Variants in ETV1 observed in about 807,000 individuals in gnomAD.
ETV1 encodes the protein ETS translocation variant 1.
In ETV1, 27 loss-of-function variants were observed where a neutral mutation model predicts 62.3. That is an observed-to-expected ratio of 0.43 (90% CI 0.32 to 0.60). The LOEUF (loss-of-function observed/expected upper bound fraction) is 0.60. ETV1 is among the 20% of genes least tolerant of loss of function. ETV1 has a pLI of 0.06. For missense variants in ETV1, 605 were observed against 605.8 expected, an observed-to-expected ratio of 1.00 and a Z score of 0.01; for synonymous variants, 222 against 199.6, an observed-to-expected ratio of 1.11 and a Z score of -0.94.
chr7:13,931,494 A>G lies in ETV1; in HGVS notation c.802+8T>C, dbSNP rs748694332. ...CTTGAATGTAATTTGCGCAGAGCGC[A>G]GGCCTACCTGAGTCATATGCAAAAT... On this transcript the variant is annotated splice_region_variant and intron_variant, in intron 9 of 13. Transcript: ENST00000430479. The G allele has an allele frequency of 1.9e-6, 3 of 1,613,922 alleles. No homozygotes were observed. In the South Asian group the frequency reaches 3.3e-5, roughly 18 times the overall value.
At chr7:13,900,593 G>A in intron 13 of ETV1, 145 bp downstream of exon 13, 3 of 596,030 alleles carry the variant, frequency 5.0e-6, no homozygotes, top group Non-Finnish European at 8.7e-6. Context: ...AGAAAGGCTT[G>A]TAATACCAAA....
In ETV1 at chr7:13,944,554, G is replaced by A. The variant is rs952290323; in HGVS notation, c.236-5308C>T. Among the ~76,000 whole-genome samples, 6 of 152,068 alleles carry A rather than the reference G, an allele frequency of 3.9e-5. No homozygotes were observed. The South Asian group carries it at 8.3e-4, about 21-fold the overall frequency. ...TTTCAATATCCGAATTTGCTGGGGC[G>A]GGGGTGGTGAGACGGGGACACAAAC... On this transcript the variant is annotated intron_variant, in intron 6 of 13. Coordinates refer to ENST00000430479, the MANE Select transcript of ETV1 (RefSeq NM_004956.5).
At chr7:13,977,509 A>AAG in intron 5 of ETV1, 29 bp from the exon 6 acceptor site, 2 of 1,483,768 alleles carry the variant, frequency 1.3e-6, no homozygotes, top group Non-Finnish European at 1.8e-6. Flanking sequence ...ATTAAAAAAA[A>AAG]TTAAGAGAGA....
At chr7:13,950,737 A>G (rs1449592214) in intron 6 of ETV1, among the ~76,000 whole-genome samples, 1 of 152,124 alleles carries the variant, frequency 6.6e-6, no homozygotes, top group Non-Finnish European at 1.5e-5. Flanking sequence ...GCCAACTCTC[A>G]CTTTCAGAAG....
chr7:13,991,230 G>T (rs529782509), upstream of ETV1: 1 of 152,358 alleles, frequency 6.6e-6, no homozygotes, highest in East Asian at 1.9e-4. Flanking sequence ...ACTATCTGAG[G>T]GTGCAACCAA....
At chr7:13,905,701 T>C (rs879274786) in intron 12 of ETV1, among the ~76,000 whole-genome samples, 1 of 152,200 alleles carries the variant, frequency 6.6e-6, no homozygotes, top group African/African-American at 2.4e-5. Flanking sequence ...TCCATTTCTC[T>C]GTACAGTATT....
intron 6 of ETV1, among the ~76,000 whole-genome samples, chr7:13,963,411 TGAAAATAAGA>T (rs1209586694): frequency 6.6e-6 from 1 of 151,976 alleles, no homozygotes; most frequent in East Asian, 1.9e-4. Flanking sequence ...ATAAATAATA[TGAAAATAAGA>T]GCATATTTTT....
chr7:13,989,712 GC>G, upstream of ETV1: 1 of 398,034 alleles, frequency 2.5e-6, no homozygotes, highest in Non-Finnish European at 4.4e-6. Flanking sequence ...TCCTCCAGGG[GC>G]CTCCAATCCA....
In ETV1 at chr7:13,988,173, T is replaced by C. The variant is rs1453046202; in HGVS notation, c.46A>G (p.Ser16Gly). 6.2e-7 allele frequency: 1 copy of C among 1,603,094 alleles called. No homozygotes were observed. Among genetic ancestry groups the C allele is most frequent in the Non-Finnish European group, 8.5e-7 (1 of 1,170,116 alleles). ...TCGTTACAATTTCTCCCACGCTGACTCTACAAAGGGAAAGATAAAATCCTT... is the reference window on the plus strand; with the variant it reads ...TCGTTACAATTTCTCCCACGCTGACCCTACAAAGGGAAAGATAAAATCCTT... ...DQQVPYMVTN[S>G]QRGRNCNEKP... Residue 16 changes from serine (S) to glycine (G), a missense_variant and splice_region_variant, in exon 4 of 14, where the codon AGT becomes GGT. Physicochemically the swap from Ser to Gly is moderately conservative, Grantham distance 56. Coordinates refer to ENST00000430479, the MANE Select transcript of ETV1 (RefSeq NM_004956.5).
chr7:13,941,458 A>G (rs1463504931), intron 6 of ETV1, among the ~76,000 whole-genome samples: 1 of 152,238 alleles, frequency 6.6e-6, no homozygotes, highest in African/African-American at 2.4e-5. Context: ...GATAAATGGT[A>G]AAAGCCAATT....
chr7:13,906,396 T>C (rs1360398725), intron 12 of ETV1, 34 bp downstream of exon 12: 1 of 1,403,082 alleles, frequency 7.1e-7, no homozygotes. Flanking sequence ...TTATAACATG[T>C]CTGAGTGTCC....
chr7:13,979,639 A>G (rs1462525088), intron 5 of ETV1, among the ~76,000 whole-genome samples: 4 of 152,268 alleles, frequency 2.6e-5, no homozygotes, highest in Admixed American at 2.6e-4. Context: ...TTCCCTCAGA[A>G]TTAACAGCTA....
At chr7:13,988,405 A>G (rs1782745359) in intron 3 of ETV1, 1 of 581,690 alleles carries the variant, frequency 1.7e-6, no homozygotes. Flanking sequence ...TGCCGATCTT[A>G]GCACATTACT....
chr7:13,904,984 A>C (rs1276205917), intron 12 of ETV1, among the ~76,000 whole-genome samples: 1 of 149,198 alleles, frequency 6.7e-6, no homozygotes, highest in Non-Finnish European at 1.5e-5. Context: ...TCAAATACTG[A>C]CATTGAGTCT....
At chr7:13,988,951 T>TCCCCCC in intron 3 of ETV1, 57 bp downstream of exon 3, 2 of 1,364,928 alleles carry the variant, frequency 1.5e-6, no homozygotes, top group Non-Finnish European at 1.0e-6. Flanking sequence ...TTTCTCCCTC[T>TCCCCCC]CCCCACCCCC....
intron 9 of ETV1, among the ~76,000 whole-genome samples, chr7:13,916,431 G>C (rs1784163009): frequency 6.7e-6 from 1 of 149,890 alleles, no homozygotes; most frequent in African/African-American, 2.5e-5. Flanking sequence ...TGAGGTCAGG[G>C]GTTCGAGACC....
At position 13,895,976 on chromosome 7, in the gene ETV1, T is replaced by TG; in HGVS notation, c.1323dup (p.Ile442HisfsTer13). 1 of 1,613,770 alleles carries TG rather than the reference T, an allele frequency of 6.2e-7. No homozygotes were observed. The highest frequency in any genetic ancestry group is 8.5e-7 in the Non-Finnish European group (1 of 1,179,814). On this transcript the variant is annotated frameshift_variant, in exon 14 of 14. Transcript: ENST00000430479. LOFTEE classifies it high-confidence loss of function. ...AGAGGCACTGTGTCCTCCTCGTTGA[T>TG]GTGACGTTCCATGTCTGTCTTCAGC...
chr7:13,958,541 G>A (rs180730671), intron 6 of ETV1, among the ~76,000 whole-genome samples: 1 of 152,228 alleles, frequency 6.6e-6, no homozygotes, highest in Non-Finnish European at 1.5e-5. Context: ...TTAAAAATTA[G>A]GTGCCAAGGA....
intron 9 of ETV1, among the ~76,000 whole-genome samples, chr7:13,918,682 C>T (rs1784472823): frequency 6.8e-6 from 1 of 147,612 alleles, no homozygotes; most frequent in Non-Finnish European, 1.5e-5. Flanking sequence ...AATGAGATCA[C>T]ATGGACGCAG....
Sources: allele counts gnomAD v4.1 joint callset (sites outside exome capture counted in the v4.1 genomes callset), GRCh38; gene constraint gnomAD v4.1.1; transcripts MANE v1.5; gene names NCBI Gene and HGNC (gene_info 2026-07-23, HGNC 2026-07-21).